Variants in PRELID2 observed in about 807,000 individuals in gnomAD.
The protein encoded by PRELID2 is PRELI domain containing 2, also known as PRELI domain-containing protein 2.
A neutral mutation model predicts 28.4 loss-of-function variants in PRELID2; 25 were observed. The ratio of observed to expected loss-of-function variants is 0.88; its 90% CI spans 0.64 to 1.23. The LOEUF (loss-of-function observed/expected upper bound fraction) is 1.23. Ranked by LOEUF, PRELID2 falls within the 50% of genes most tolerant of loss-of-function variation. The pLI, the probability that PRELID2 is intolerant of heterozygous loss-of-function variation, is 0.00. For missense variants in PRELID2, 201 were observed against 214.4 expected, an observed-to-expected ratio of 0.94 and a Z score of 0.39; for synonymous variants, 76 against 71.6, an observed-to-expected ratio of 1.06 and a Z score of -0.31.
the PRELID2 span, among the ~76,000 whole-genome samples, chr5:145,261,382 C>T: frequency 1.3e-5 from 2 of 152,182 alleles, no homozygotes; most frequent in Admixed American, 1.3e-4. Flanking sequence ...AACACAAAAC[C>T]AGTGCACAAC....
At chr5:145,315,082 T>TTTTTGGA in the PRELID2 span, among the ~76,000 whole-genome samples, 1 of 146,136 alleles carries the variant, frequency 6.8e-6, no homozygotes. Context: ...TTTTTTTTTT[T>TTTTTGGA]TTTTGGAGAT....
chr5:145,386,761 A>G, the PRELID2 span, among the ~76,000 whole-genome samples: 1 of 152,254 alleles, frequency 6.6e-6, no homozygotes, highest in African/African-American at 2.4e-5. Flanking sequence ...AATATCTCAT[A>G]GAATAAATTC....
chr5:145,600,432 A>ATATATATATATATATATATATATATATAT (rs1339137784), intron 1 of PRELID2, among the ~76,000 whole-genome samples: 1 of 127,602 alleles, frequency 7.8e-6, no homozygotes, highest in African/African-American at 4.1e-5. Context: ...AAAAAAAAAA[A>ATATATATATATATATATATATATATATAT]AAATATATAT....
the PRELID2 span, among the ~76,000 whole-genome samples, chr5:145,343,051 G>T: frequency 6.6e-6 from 1 of 151,882 alleles, no homozygotes. Flanking sequence ...GCACTGAATA[G>T]ACTGCAATAC....
chr5:145,598,054 G>A (rs532482728), intron 1 of PRELID2, among the ~76,000 whole-genome samples: 3 of 152,264 alleles, frequency 2.0e-5, no homozygotes, highest in African/African-American at 7.2e-5. Context: ...AGATTGGCCT[G>A]GAAGGCTTCA....
At chr5:145,618,406 T>A (rs62394218) in intron 1 of PRELID2, among the ~76,000 whole-genome samples, 5,092 of 152,280 alleles carry the variant, frequency 0.033, 175 homozygotes, top group African/African-American at 0.081. Flanking sequence ...TCTTTTCCTA[T>A]GGATGTGGCT....
chr5:145,672,940 G>A (rs1346018404), intron 1 of PRELID2, among the ~76,000 whole-genome samples: 3 of 152,048 alleles, frequency 2.0e-5, no homozygotes, highest in East Asian at 3.9e-4. Context: ...ATGAAACCCA[G>A]GATAGCACAG....
chr5:145,231,878 G>A, the PRELID2 span, among the ~76,000 whole-genome samples: 29 of 152,064 alleles, frequency 1.9e-4, no homozygotes, highest in Non-Finnish European at 1.5e-5. Flanking sequence ...CAATGGAGGA[G>A]ACATCAGCCC....
At chr5:145,720,485 C>G (rs890487436) in intron 1 of PRELID2, among the ~76,000 whole-genome samples, 1 of 151,748 alleles carries the variant, frequency 6.6e-6, no homozygotes, top group Non-Finnish European at 1.5e-5. Flanking sequence ...AAATGTGAAC[C>G]AAAGATTTTA....
intron 1 of PRELID2, among the ~76,000 whole-genome samples, chr5:145,668,127 T>C (rs114711817): frequency 0.016 from 2,448 of 152,120 alleles, 79 homozygotes; most frequent in African/African-American, 0.055. Flanking sequence ...TCAAGAAATA[T>C]CAAAGATTTA....
intron 1 of PRELID2, among the ~76,000 whole-genome samples, chr5:145,589,755 A>AAAT (rs1753203094): frequency 6.6e-6 from 1 of 152,156 alleles, no homozygotes; most frequent in Admixed American, 6.6e-5. Flanking sequence ...CATGTTTAGA[A>AAAT]AATTCTTTCC....
In PRELID2 at chr5:145,826,193, G is replaced by A. The variant is rs73306051; in HGVS notation, c.76-3059C>T. The A allele has an allele frequency of 9.1e-3, 8,946 of 984,198 alleles. 601 individuals carry two copies. In the African/African-American group the frequency reaches 0.14, roughly 15 times the overall value. 61.0% of individuals were successfully genotyped at this position (984,198 alleles called of 1,614,324 possible). ...GATCTCATTCAGTCCTTCTCAAAGC[G>A]TGGAAACCTATCAAGTATTAATATA... On this transcript the variant is annotated intron_variant, in intron 1 of 6. Coordinates refer to ENST00000683046, the MANE Select transcript of PRELID2 (RefSeq NM_205846.3).
At chr5:145,495,845 A>G (rs750925758) in intron 1 of PRELID2, among the ~76,000 whole-genome samples, 4 of 152,252 alleles carry the variant, frequency 2.6e-5, no homozygotes, top group South Asian at 4.2e-4. Flanking sequence ...AAACTCTTCA[A>G]TTCCCCTGGG....
chr5:145,693,424 A>C (rs1755190530), intron 1 of PRELID2, among the ~76,000 whole-genome samples: 1 of 152,052 alleles, frequency 6.6e-6, no homozygotes, highest in Non-Finnish European at 1.5e-5. Context: ...CTGGGATTGC[A>C]AGCATGAGCC....
chr5:145,416,885 T>C, the PRELID2 span, among the ~76,000 whole-genome samples: 1 of 151,978 alleles, frequency 6.6e-6, no homozygotes, highest in Non-Finnish European at 1.5e-5. Flanking sequence ...CAAAGTCTCA[T>C]CTGAGTCAAA....
chr5:145,491,150 T>G (rs764282564), intron 1 of PRELID2, among the ~76,000 whole-genome samples: 3 of 152,214 alleles, frequency 2.0e-5, no homozygotes, highest in Non-Finnish European at 4.4e-5. Context: ...GTATTTTATT[T>G]TTAATATATT....
chr5:145,266,988 G>A, the PRELID2 span, among the ~76,000 whole-genome samples: 1 of 152,014 alleles, frequency 6.6e-6, no homozygotes, highest in African/African-American at 2.4e-5. Flanking sequence ...AGATGCAAAG[G>A]CATAAGAATG....
chr5:145,700,666 G>T (rs1755385160), intron 1 of PRELID2, among the ~76,000 whole-genome samples: 2 of 152,056 alleles, frequency 1.3e-5, no homozygotes, highest in South Asian at 4.2e-4. Context: ...TTCTCCCAGG[G>T]GTCCCCAAGG....
chr5:145,705,463 A>G (rs1454108711), intron 1 of PRELID2, among the ~76,000 whole-genome samples: 2 of 152,182 alleles, frequency 1.3e-5, no homozygotes, highest in Non-Finnish European at 2.9e-5. Flanking sequence ...CGCCTCCAAA[A>G]GTGCTGGGAT....
Sources: allele counts gnomAD v4.1 joint callset (sites outside exome capture counted in the v4.1 genomes callset), GRCh38; gene constraint gnomAD v4.1.1; transcripts MANE v1.5; gene names NCBI Gene and HGNC (gene_info 2026-07-23, HGNC 2026-07-21).